Variants in SHANK2 observed in about 807,000 individuals in gnomAD.
The protein encoded by SHANK2 is SH3 and multiple ankyrin repeat domains protein 2.
Under a neutral mutation model 133.7 loss-of-function variants are expected in SHANK2, and 43 were observed. The ratio of observed to expected loss-of-function variants is 0.32; its 90% CI spans 0.25 to 0.41. The LOEUF is 0.41. SHANK2 is among the 10% of genes least tolerant of loss of function. The pLI, the probability that SHANK2 is intolerant of heterozygous loss-of-function variation, is 1.00. For missense variants in SHANK2, 1,994 were observed against 2,235.8 expected (o/e 0.89, Z 2.18); for synonymous variants, 1,017 against 952.8 (o/e 1.07, Z -1.24).
intron 22 of SHANK2, 48 bp from the exon 23 acceptor site, chr11:70,490,435 A>G (rs1027975377): frequency 2.8e-5 from 42 of 1,503,084 alleles, no homozygotes; most frequent in Non-Finnish European, 3.5e-5. Flanking sequence ...GCCAGCCCCC[A>G]CCCACGGTCA....
At chr11:70,623,652 C>T (rs2060863968) in intron 17 of SHANK2, among the ~76,000 whole-genome samples, 1 of 152,146 alleles carries the variant, frequency 6.6e-6, no homozygotes, top group Admixed American at 6.5e-5. Flanking sequence ...TACAGTAGCC[C>T]CAGCCACCCG....
chr11:71,161,383 T>C (rs1953014198), intron 2 of SHANK2, among the ~76,000 whole-genome samples: 1 of 152,226 alleles, frequency 6.6e-6, no homozygotes, highest in Non-Finnish European at 1.5e-5. Flanking sequence ...TTACACTCTA[T>C]AGAGAATCCC....
intron 9 of SHANK2, among the ~76,000 whole-genome samples, chr11:71,067,408 G>T (rs1044286456): frequency 2.6e-5 from 4 of 152,168 alleles, no homozygotes; most frequent in African/African-American, 9.7e-5. Flanking sequence ...GCAGAAAAAT[G>T]AACCCCAGGC....
intron 17 of SHANK2, among the ~76,000 whole-genome samples, chr11:70,599,905 GAGAAAGAAAGAAAGAAAGAA>G (rs201394941): frequency 0.013 from 974 of 73,742 alleles, 11 homozygotes; most frequent in South Asian, 0.037. Context: ...AAGAAAGAAA[GAGAAAGAAAGAAAGAAAGAA>G]AGAAAGAAAG....
intron 11 of SHANK2, among the ~76,000 whole-genome samples, chr11:70,883,858 G>A (rs563719577): frequency 1.3e-5 from 2 of 152,300 alleles, no homozygotes; most frequent in East Asian, 3.9e-4. Flanking sequence ...GGGCACGGAG[G>A]GAACACCTTA....
intron 6 of SHANK2, among the ~76,000 whole-genome samples, chr11:71,109,414 C>A (rs1225159545): frequency 1.3e-5 from 2 of 152,144 alleles, no homozygotes; most frequent in Non-Finnish European, 2.9e-5. Flanking sequence ...ATAGGATGGC[C>A]GCGCTGCAAA....
chr11:70,592,684 C>T (rs2060340945), intron 17 of SHANK2, among the ~76,000 whole-genome samples: 1 of 152,072 alleles, frequency 6.6e-6, no homozygotes, highest in Admixed American at 6.5e-5. Flanking sequence ...GTGGTTAGGC[C>T]AACTCCCTCC....
chr11:70,677,347 C>G (rs550979658), intron 15 of SHANK2, among the ~76,000 whole-genome samples: 2 of 152,296 alleles, frequency 1.3e-5, no homozygotes, highest in African/African-American at 4.8e-5. Flanking sequence ...GGCCAACATC[C>G]TCCTCCTGGA....
At chr11:70,883,802 G>A (rs1178910532) in intron 11 of SHANK2, among the ~76,000 whole-genome samples, 2 of 152,252 alleles carry the variant, frequency 1.3e-5, no homozygotes, top group Non-Finnish European at 2.9e-5. Flanking sequence ...GCCAGGCAGG[G>A]CTGGGGAGGC....
intron 14 of SHANK2, among the ~76,000 whole-genome samples, chr11:70,718,618 C>T (rs531057356): frequency 2.8e-4 from 43 of 152,254 alleles, no homozygotes; most frequent in African/African-American, 1.0e-3. Flanking sequence ...AAATACTTCC[C>T]AATCGGTACG....
intron 8 of SHANK2, among the ~76,000 whole-genome samples, chr11:71,082,452 G>A (rs2136007370): frequency 6.6e-6 from 1 of 152,334 alleles, no homozygotes; most frequent in East Asian, 1.9e-4. Context: ...TCAATCTGAA[G>A]GAAGACCACA....
chr11:70,821,476 A>T (rs1244009055), intron 11 of SHANK2, among the ~76,000 whole-genome samples: 1 of 152,170 alleles, frequency 6.6e-6, no homozygotes, highest in Non-Finnish European at 1.5e-5. Flanking sequence ...CCCAGGCTAC[A>T]GTGCAGTGGC....
chr11:70,526,770 C>A (rs1266358049), intron 17 of SHANK2, among the ~76,000 whole-genome samples: 1 of 151,998 alleles, frequency 6.6e-6, no homozygotes, highest in Non-Finnish European at 1.5e-5. Context: ...TCCTCCCCCT[C>A]CCCTACTCTC....
At chr11:71,116,931 G>A (rs1429634427) in intron 4 of SHANK2, among the ~76,000 whole-genome samples, 1 of 152,194 alleles carries the variant, frequency 6.6e-6, no homozygotes, top group African/African-American at 2.4e-5. Context: ...AGGCCTCAAT[G>A]CTGAGCCCAT....
intron 2 of SHANK2, among the ~76,000 whole-genome samples, chr11:71,201,356 G>A (rs551287306): frequency 2.9e-4 from 44 of 152,306 alleles, no homozygotes; most frequent in Non-Finnish European, 5.4e-4. Flanking sequence ...GTCTTTCCAC[G>A]CCTCAGGAGA....
intron 11 of SHANK2, among the ~76,000 whole-genome samples, chr11:70,842,613 G>A (rs575549644): frequency 4.6e-5 from 7 of 152,310 alleles, no homozygotes; most frequent in Admixed American, 2.6e-4. Flanking sequence ...GCCCTGGAGC[G>A]AGCATGAGCC....
intron 17 of SHANK2, among the ~76,000 whole-genome samples, chr11:70,588,846 C>T (rs10899213): frequency 0.26 from 38,811 of 152,118 alleles, 5,263 homozygotes; most frequent in Admixed American, 0.38. Flanking sequence ...GAGATGGAGT[C>T]GCGCTCTGTC....
intron 12 of SHANK2, among the ~76,000 whole-genome samples, chr11:70,811,570 T>C (rs1555053211): frequency 2.6e-5 from 4 of 151,788 alleles, no homozygotes. Context: ...GATCCATCCA[T>C]CCATCCATCT....
At chr11:70,907,961 C>T in intron 10 of SHANK2, 1 of 446,864 alleles carries the variant, frequency 2.2e-6, no homozygotes, top group Non-Finnish European at 4.5e-6. Context: ...ACTAGCCAGG[C>T]ATGGTGGCAC....
Sources: allele counts gnomAD v4.1 joint callset (sites outside exome capture counted in the v4.1 genomes callset), GRCh38; gene constraint gnomAD v4.1.1; transcripts MANE v1.5; gene names NCBI Gene and HGNC (gene_info 2026-07-23, HGNC 2026-07-21).